Variants in WDR83 observed in about 807,000 individuals in gnomAD.
The protein encoded by WDR83 is WD repeat domain 83.
In WDR83, 37 loss-of-function variants were observed where a neutral mutation model predicts 37.7. The observed-to-expected ratio is 0.98, with a 90% CI of 0.76 to 1.29. WDR83 has a LOEUF of 1.29. Ranked by LOEUF, WDR83 falls within the 50% of genes most tolerant of loss-of-function variation. The pLI, the probability that WDR83 is intolerant of heterozygous loss-of-function variation, is 0.00. For synonymous variants in WDR83, 174 were observed against 181.1 expected (o/e 0.96, Z 0.31); for missense variants, 445 against 414.4 (o/e 1.07, Z -0.64).
At chr19:12,669,190 G>A in intron 2 of WDR83, 3 of 1,614,132 alleles carry the variant, frequency 1.9e-6, no homozygotes, top group Non-Finnish European at 1.7e-6. Flanking sequence ...TCCGGCGTCG[G>A]GTCGTCCAAG....
rs776412564 is a variant in WDR83 at position 12,675,642 on chromosome 19, G to C, written c.918G>C (p.Glu306Asp). Residue 306 changes from glutamate (E) to aspartate (D), a missense_variant, in exon 11 of 11, where the codon GAG becomes GAC. Transcript: ENST00000418543. ...GCAGCGTCCAGTGCTGGCGAGAGGA[G>C]GCCTATGAGGCAGAGGATGGAGCAG... ...MGGSVQCWREEAYEAEDGAG is the reference protein window; with the variant it reads ...MGGSVQCWREDAYEAEDGAG 10 of 1,601,702 alleles carry C rather than the reference G, an allele frequency of 6.2e-6. No individual in the cohort carries two copies. The highest frequency in any genetic ancestry group is 7.6e-6 in the Non-Finnish European group (9 of 1,179,748).
chr19:12,668,091 TAAC>T, intron 1 of WDR83: 2 of 413,986 alleles, frequency 4.8e-6, no homozygotes, highest in Non-Finnish European at 9.0e-6. Flanking sequence ...AAAACTTTAT[TAAC>T]AACAGGTTTC....
Position 12,675,785 on chromosome 19 carries a change from C to A in WDR83, c.*113C>A, listed in dbSNP as rs1201132047. The A allele has an allele frequency of 1.3e-6, 2 of 1,566,904 alleles. No individual in the cohort carries two copies. Among genetic ancestry groups the A allele is most frequent in the East Asian group, 4.5e-5 (2 of 44,112 alleles). On this transcript the variant is annotated 3_prime_UTR_variant, in exon 11 of 11. Transcript: ENST00000418543. The stretch of plus-strand genomic sequence containing the variant: ...CCAAAAAGTAGGGGAGGGGCTGGGT[C>A]TGCAAATTAATAAATAGAAGAGGGG...
In WDR83 at chr19:12,675,829, C is replaced by T. The variant is rs373267816; in HGVS notation, c.*157C>T. 94 of 1,580,392 alleles carry T rather than the reference C, an allele frequency of 5.9e-5. No individual in the cohort carries two copies. Among genetic ancestry groups the T allele is most frequent in the Non-Finnish European group, 7.3e-5 (85 of 1,161,844 alleles). ...AGAGGGGGTAAGACCTTCCTGGGAC[C>T]GCAGCCGCTCAGTCCTCGTTCTTCT... On this transcript the variant is annotated 3_prime_UTR_variant, in exon 11 of 11. Transcript: ENST00000418543.
chr19:12,669,740 G>A lies in WDR83; in HGVS notation c.-36-15G>A. 6.6e-7 allele frequency: 1 copy of A among 1,526,492 alleles called. No individual in the cohort carries two copies. The allele number at this position is 1,526,492 out of a possible 1,614,324, so 94.6% of individuals were successfully genotyped here. ...CCCAAGCGTGGGTTTCTAAGGCGCG[G>A]AATTTTCCGTACAGACCGATTTAAG... On this transcript the variant is annotated splice_polypyrimidine_tract_variant and intron_variant, in intron 2 of 10. Coordinates refer to ENST00000418543, the MANE Select transcript of WDR83 (RefSeq NM_001099737.3).
chr19:12,672,730 T>G (rs765165468), intron 7 of WDR83, 117 bp from the exon 8 acceptor site: 6 of 1,097,176 alleles, frequency 5.5e-6, no homozygotes, highest in Non-Finnish European at 8.1e-6. Flanking sequence ...GGCCAGAGCT[T>G]CAGAATTCCA....
intron 10 of WDR83, among the ~76,000 whole-genome samples, chr19:12,673,682 C>G (rs1300494275): frequency 6.6e-6 from 1 of 151,722 alleles, no homozygotes; most frequent in African/African-American, 2.4e-5. Flanking sequence ...TTCCCAAGTG[C>G]TAGGATTACA....
chr19:12,674,455 C>T (rs1285149713), intron 10 of WDR83, among the ~76,000 whole-genome samples: 3 of 151,876 alleles, frequency 2.0e-5, no homozygotes, highest in Non-Finnish European at 4.4e-5. Flanking sequence ...ACCGGGGGGG[C>T]CCTGAAGACT....
intron 10 of WDR83, 41 bp from the exon 11 acceptor site, chr19:12,675,482 G>T: frequency 6.3e-7 from 1 of 1,592,156 alleles, no homozygotes; most frequent in Non-Finnish European, 8.5e-7. Flanking sequence ...CCAGGGTACA[G>T]CCCAGCCACA....
Position 12,666,822 on chromosome 19 carries a change from A to T in WDR83, c.-327A>T. The T allele has an allele frequency of 1.0e-6, 1 of 986,472 alleles. No individual in the cohort carries two copies. Among genetic ancestry groups the T allele is most frequent in the Non-Finnish European group, 1.5e-6 (1 of 684,660 alleles). 61.1% of individuals were successfully genotyped at this position (986,472 alleles called of 1,614,324 possible). A position where few individuals can be genotyped will look rare whatever the true frequency, so the allele number is the denominator to read the frequency against. On this transcript the variant is annotated 5_prime_UTR_variant, in exon 1 of 11. Transcript: ENST00000418543. Reference sequence around the variant, plus strand: ...GGGCCAGGGCGCGGTCTGGAGGCTCACGGGAGAGAGGCTGTAGCCCTGGGC... The same window carrying T: ...GGGCCAGGGCGCGGTCTGGAGGCTCTCGGGAGAGAGGCTGTAGCCCTGGGC...
intron 7 of WDR83, among the ~76,000 whole-genome samples, chr19:12,672,063 AAGC>A (rs1179045207): frequency 6.6e-6 from 1 of 152,224 alleles, no homozygotes; most frequent in Non-Finnish European, 1.5e-5. Flanking sequence ...CGTGTTGAGA[AAGC>A]AGAGGAGGAG....
intron 7 of WDR83, chr19:12,671,110 T>C: frequency 1.2e-5 from 4 of 323,186 alleles, no homozygotes; most frequent in South Asian, 5.6e-5. Context: ...GGCAGATCAC[T>C]TGAGGTCAGG....
Position 12,675,514 on chromosome 19 carries a change from G to T in WDR83, c.799-9G>T, listed in dbSNP as rs369299220. The T allele has an allele frequency of 6.2e-7, 1 of 1,602,384 alleles. No homozygotes were observed. On this transcript the variant is annotated splice_polypyrimidine_tract_variant and intron_variant, in intron 10 of 10. Transcript: ENST00000418543. ...CACAGATAACCACTCCCTACCCCTCGCTCCACAGGGTGCGCTGGCTCTGGC... is the reference window on the plus strand; with the variant it reads ...CACAGATAACCACTCCCTACCCCTCTCTCCACAGGGTGCGCTGGCTCTGGC...
intron 7 of WDR83, among the ~76,000 whole-genome samples, chr19:12,671,912 G>A (rs2145317038): frequency 6.6e-6 from 1 of 152,230 alleles, no homozygotes; most frequent in East Asian, 2.0e-4. Flanking sequence ...TGGCCAGGAG[G>A]GTCTCCATCT....
At chr19:12,672,794 T>G in intron 7 of WDR83, 53 bp from the exon 8 acceptor site, 2 of 1,530,294 alleles carry the variant, frequency 1.3e-6, no homozygotes, top group Non-Finnish European at 1.8e-6. Context: ...CAGGGCTGCC[T>G]GGAGCCATGT....
intron 7 of WDR83, among the ~76,000 whole-genome samples, chr19:12,671,659 ATAAAT>A (rs1420199960): frequency 6.6e-6 from 1 of 152,210 alleles, no homozygotes; most frequent in Non-Finnish European, 1.5e-5. Context: ...AAATAAGTAA[ATAAAT>A]TAAATAAATA....
chr19:12,669,950 C>A (rs767271792), intron 3 of WDR83, 27 bp from the exon 4 acceptor site: 2 of 1,603,824 alleles, frequency 1.2e-6, no homozygotes, highest in South Asian at 2.2e-5. Context: ...ATCGACGGCC[C>A]AGTAACCCCC....
chr19:12,668,475 C>T, intron 1 of WDR83, 33 bp from the exon 2 acceptor site: 1 of 1,613,294 alleles, frequency 6.2e-7, no homozygotes, highest in Non-Finnish European at 8.5e-7. Context: ...TGGGGTCCCC[C>T]CACCCCTTAC....
chr19:12,669,873 T>C lies in WDR83; in HGVS notation c.83T>C (p.Val28Ala). ...ACGCTGGACTGCGGGCAGGGGGCAGTGCGAGCCGTACGATTTAATGGTGAG... is the reference window on the plus strand; with the variant it reads ...ACGCTGGACTGCGGGCAGGGGGCAGCGCGAGCCGTACGATTTAATGGTGAG... ...LKTLDCGQGA[V>A]RAVRFNVDGN... The change falls in exon 3 of 11, where the codon GTG (valine) becomes GCG (alanine). Residue 28 changes from valine to alanine, a missense_variant. Physicochemically the swap from Val to Ala is moderately conservative, Grantham distance 64. Coordinates refer to ENST00000418543, the MANE Select transcript of WDR83 (RefSeq NM_001099737.3). The C allele has an allele frequency of 6.2e-7, 1 of 1,611,182 alleles. No homozygotes were observed. Among genetic ancestry groups the C allele is most frequent in the Non-Finnish European group, 8.5e-7 (1 of 1,178,338 alleles).
Sources: gnomAD v4.1 joint callset for allele counts (sites outside exome capture counted in the v4.1 genomes callset) on GRCh38, gnomAD v4.1.1 for gene constraint, MANE v1.5 for transcripts, NCBI Gene and HGNC (gene_info 2026-07-23, HGNC 2026-07-21) for gene names.